The following SAXO1 variants were observed in gnomAD, a reference collection of about 807,000 sequenced individuals.
The protein encoded by SAXO1 is 4930500O09Rik.
In SAXO1, 21 loss-of-function variants were observed where a neutral mutation model predicts 17.5. That is an observed-to-expected ratio of 1.20 (90% confidence interval 0.85 to 1.72). SAXO1 has a LOEUF of 1.72. Among genes scored for constraint, SAXO1 ranks in the 40% most tolerant of loss-of-function variants. The probability of loss-of-function intolerance (pLI) is 0.00; values close to 1 mark genes in which losing one functional copy is unlikely to be tolerated. For synonymous variants in SAXO1, 274 were observed against 216.5 expected (o/e 1.27, Z -2.33); for missense variants, 843 against 596.0 (o/e 1.41, Z -4.32).
intron 3 of SAXO1, among the ~76,000 whole-genome samples, chr9:18,930,373 G>A (rs980653138): frequency 1.3e-5 from 2 of 152,206 alleles, no homozygotes; most frequent in African/African-American, 4.8e-5. Flanking sequence ...TCTTCAGGCA[G>A]CACTGTAAGC....
At chr9:19,042,922 C>T (rs781064066) in intron 1 of SAXO1, among the ~76,000 whole-genome samples, 25 of 151,928 alleles carry the variant, frequency 1.6e-4, no homozygotes, top group Non-Finnish European at 2.9e-4. Flanking sequence ...CTATAATACC[C>T]GCACTTTGTG....
chr9:19,048,925 A>G (rs1588583952), intron 1 of SAXO1, among the ~76,000 whole-genome samples: 1 of 152,252 alleles, frequency 6.6e-6, no homozygotes, highest in Non-Finnish European at 1.5e-5. Flanking sequence ...GGGACTTGCT[A>G]TTACCTAGCT....
At chr9:18,929,404 G>A (rs187684505) in intron 3 of SAXO1, among the ~76,000 whole-genome samples, 1 of 152,292 alleles carries the variant, frequency 6.6e-6, no homozygotes, top group Admixed American at 6.5e-5. Context: ...TGTGGAGAAG[G>A]TACTTTCTCT....
chr9:19,044,837 C>G (rs540824558), intron 1 of SAXO1, among the ~76,000 whole-genome samples: 33 of 150,976 alleles, frequency 2.2e-4, no homozygotes, highest in African/African-American at 7.3e-4. Flanking sequence ...CACTCCAGCC[C>G]GGGTGAGAGT....
At chr9:19,026,307 G>A (rs1261759513) in intron 1 of SAXO1, among the ~76,000 whole-genome samples, 2 of 152,136 alleles carry the variant, frequency 1.3e-5, no homozygotes, top group African/African-American at 4.8e-5. Context: ...ACACCTAGCA[G>A]TGTCTGATAC....
rs532624424 is a variant in SAXO1, at chr9:18,981,170, A to G, written c.39-30233T>C. Among the ~76,000 whole-genome samples, 5 of 152,346 alleles carry G rather than the reference A, an allele frequency of 3.3e-5. No homozygotes were observed. The East Asian group carries it at 9.6e-4, about 29-fold the overall frequency. ...AGTAGTGCTTCTCCACAGTGCTTCT[A>G]GGTTATTTCTTTGTGATTGCGATAA... On this transcript the variant is annotated intron_variant, in intron 1 of 3. Transcript: ENST00000380534.
At chr9:18,970,880 T>C (rs922480832) in intron 1 of SAXO1, among the ~76,000 whole-genome samples, 1 of 152,202 alleles carries the variant, frequency 6.6e-6, no homozygotes, top group Non-Finnish European at 1.5e-5. Context: ...CCCATTGCCT[T>C]GAGCCCCAAA....
At chr9:19,044,041 A>G (rs1422397014) in intron 1 of SAXO1, among the ~76,000 whole-genome samples, 1 of 151,508 alleles carries the variant, frequency 6.6e-6, no homozygotes, top group African/African-American at 2.4e-5. Context: ...GCTACTTGGG[A>G]GGCTGAGGCA....
chr9:18,941,837 C>G lies in SAXO1; in HGVS notation c.221G>C (p.Arg74Thr). The change falls in exon 3 of 4, where the codon AGA (arginine) becomes ACA (threonine). Residue 74 changes from arginine to threonine, a missense_variant and splice_region_variant. By Grantham distance (71) the Arg-to-Thr change is moderately conservative. Transcript: ENST00000380534. ...TGCCACTTTGTGAGGCCCAAAATCTCTCCTGTAAGGAAGCAAGTGCATGCT... is the reference window on the plus strand; with the variant it reads ...TGCCACTTTGTGAGGCCCAAAATCTGTCCTGTAAGGAAGCAAGTGCATGCT... The part of the protein sequence containing the change: ...IPMEGLTTSR[R>T]DFGPHKVAPV... 1 of 1,614,192 alleles carries G rather than the reference C, an allele frequency of 6.2e-7. No individual in the cohort carries two copies. Among genetic ancestry groups the G allele is most frequent in the Non-Finnish European group, 8.5e-7 (1 of 1,180,034 alleles).
intron 2 of SAXO1, among the ~76,000 whole-genome samples, chr9:18,945,533 C>A (rs1175551600): frequency 1.3e-5 from 2 of 152,176 alleles, no homozygotes; most frequent in African/African-American, 2.4e-5. Flanking sequence ...TTGGGGAGTC[C>A]ATCCCATTGT....
chr9:19,028,210 C>CAA (rs35006095), intron 1 of SAXO1: 68 of 1,035,076 alleles, frequency 6.6e-5, no homozygotes, highest in South Asian at 4.4e-4. Flanking sequence ...TAAAACAAAA[C>CAA]AAAAAAAATA....
intron 1 of SAXO1, among the ~76,000 whole-genome samples, chr9:18,958,785 T>C (rs147226608): frequency 1.1e-3 from 163 of 152,088 alleles, no homozygotes; most frequent in African/African-American, 3.9e-3. Flanking sequence ...CTGTTGAACA[T>C]GACGACTTGC....
chr9:18,987,357 G>A (rs1833635867), intron 1 of SAXO1, among the ~76,000 whole-genome samples: 2 of 152,146 alleles, frequency 1.3e-5, no homozygotes. Flanking sequence ...ACTTAGCCAT[G>A]GCACAAAGGG....
chr9:19,018,870 G>C (rs981168909), intron 1 of SAXO1, among the ~76,000 whole-genome samples: 1 of 152,204 alleles, frequency 6.6e-6, no homozygotes, highest in Non-Finnish European at 1.5e-5. Flanking sequence ...AGCACTTTGG[G>C]AGGCTGAGGC....
intron 1 of SAXO1, among the ~76,000 whole-genome samples, chr9:19,010,260 C>T (rs561800231): frequency 3.7e-4 from 56 of 152,298 alleles, no homozygotes; most frequent in Admixed American, 9.8e-4. Flanking sequence ...CCTCAGGCAA[C>T]CAGTGCCACG....
chr9:18,996,023 G>C (rs1833986395), intron 1 of SAXO1, among the ~76,000 whole-genome samples: 1 of 147,250 alleles, frequency 6.8e-6, no homozygotes, highest in Admixed American at 6.9e-5. Context: ...AGGTTGCAGT[G>C]ACCCAAGATC....
intron 1 of SAXO1, among the ~76,000 whole-genome samples, chr9:18,978,919 G>C (rs557733083): frequency 5.3e-5 from 8 of 152,232 alleles, no homozygotes; most frequent in African/African-American, 1.9e-4. Context: ...TTCAAAGAAA[G>C]TTTACTCCAG....
intron 2 of SAXO1, among the ~76,000 whole-genome samples, chr9:18,943,375 G>C (rs1233940479): frequency 6.6e-6 from 1 of 152,182 alleles, no homozygotes; most frequent in African/African-American, 2.4e-5. Flanking sequence ...GCTTATGGAG[G>C]GAATGGACTG....
intron 1 of SAXO1, among the ~76,000 whole-genome samples, chr9:19,039,612 G>C (rs1294853265): frequency 6.6e-6 from 1 of 152,224 alleles, no homozygotes; most frequent in African/African-American, 2.4e-5. Context: ...TGATAAAGGA[G>C]TATGCTGAAT....
Sources: allele counts gnomAD v4.1 joint callset (sites outside exome capture counted in the v4.1 genomes callset), GRCh38; gene constraint gnomAD v4.1.1; transcripts MANE v1.5; gene names NCBI Gene and HGNC (gene_info 2026-07-23, HGNC 2026-07-21).